The following RBFOX1 variants were observed in gnomAD, a reference collection of about 807,000 sequenced individuals.
RBFOX1 encodes the protein RNA binding protein fox-1 homolog 1.
Under a neutral mutation model 57.7 loss-of-function variants are expected in RBFOX1, and 8 were observed. The observed-to-expected ratio is 0.14, with a 90% CI of 0.08 to 0.25. The LOEUF (loss-of-function observed/expected upper bound fraction) is 0.25. RBFOX1 is among the 10% of genes least tolerant of loss of function. The pLI is 1.00. For missense variants in RBFOX1, 611 were observed against 548.5 expected, an observed-to-expected ratio of 1.11 and a Z score of -1.14; for synonymous variants, 326 against 222.4, an observed-to-expected ratio of 1.47 and a Z score of -4.15.
chr16:6,279,432 A>G (rs945406398), intron 1 of RBFOX1, among the ~76,000 whole-genome samples: 20 of 152,298 alleles, frequency 1.3e-4, no homozygotes, highest in African/African-American at 4.8e-4. Context: ...GACAATCTGT[A>G]AACAGCTTCC....
At chr16:5,296,081 C>T (rs924824091) in intron 1 of RBFOX1, among the ~76,000 whole-genome samples, 2 of 95,448 alleles carry the variant, frequency 2.1e-5, no homozygotes, top group African/African-American at 5.3e-5. Flanking sequence ...GCCCGGGTTC[C>T]CCCTGAGCTT....
At chr16:7,368,473 T>C (rs1054804346) in intron 4 of RBFOX1, among the ~76,000 whole-genome samples, 1 of 151,886 alleles carries the variant, frequency 6.6e-6, no homozygotes, top group African/African-American at 2.4e-5. Context: ...CCCTTAGTCT[T>C]AATTCACTTT....
intron 4 of RBFOX1, among the ~76,000 whole-genome samples, chr16:7,257,342 G>T (rs1024200224): frequency 3.9e-5 from 6 of 152,186 alleles, no homozygotes; most frequent in Admixed American, 3.3e-4. Context: ...GTCACCACCT[G>T]GGGTAAAATT....
chr16:6,857,817 T>C (rs2058183876), intron 3 of RBFOX1, among the ~76,000 whole-genome samples: 1 of 152,236 alleles, frequency 6.6e-6, no homozygotes, highest in South Asian at 2.1e-4. Context: ...GTGCCTGTTT[T>C]GGTAATTAAT....
At chr16:7,330,043 A>G (rs2096664052) in intron 4 of RBFOX1, among the ~76,000 whole-genome samples, 1 of 152,196 alleles carries the variant, frequency 6.6e-6, no homozygotes, top group Non-Finnish European at 1.5e-5. Flanking sequence ...AAGGTACAGT[A>G]AAGTATAACA....
intron 4 of RBFOX1, among the ~76,000 whole-genome samples, chr16:5,960,874 A>G (rs951702199): frequency 1.3e-5 from 2 of 152,200 alleles, no homozygotes; most frequent in African/African-American, 4.8e-5. Context: ...AATGGTGTTG[A>G]TAGGCTGTTG....
intron 3 of RBFOX1, among the ~76,000 whole-genome samples, chr16:7,033,104 G>C (rs2043233019): frequency 6.6e-6 from 1 of 152,154 alleles, no homozygotes; most frequent in Non-Finnish European, 1.5e-5. Flanking sequence ...TGGGCTGAGT[G>C]GGGAGATGAG....
intron 3 of RBFOX1, among the ~76,000 whole-genome samples, chr16:6,892,775 C>CCT (rs750285832): frequency 0.018 from 1,481 of 84,420 alleles, 36 homozygotes; most frequent in Non-Finnish European, 0.02. Context: ...TCCCTGTCTC[C>CCT]CTCTCTCTCT....
chr16:7,670,341 CTT>C (rs1568378925), intron 13 of RBFOX1, among the ~76,000 whole-genome samples: 1 of 152,042 alleles, frequency 6.6e-6, no homozygotes, highest in Non-Finnish European at 1.5e-5. Flanking sequence ...CAACAGGAAA[CTT>C]TTTTTTCCAG....
chr16:5,676,371 C>A (rs1272260224), intron 3 of RBFOX1, among the ~76,000 whole-genome samples: 1 of 152,118 alleles, frequency 6.6e-6, no homozygotes, highest in Non-Finnish European at 1.5e-5. Context: ...TATTGTGTAG[C>A]TGCCCATATA....
intron 4 of RBFOX1, among the ~76,000 whole-genome samples, chr16:7,445,105 G>T (rs1598572429): frequency 1.0e-5 from 1 of 100,286 alleles, no homozygotes; most frequent in South Asian, 4.8e-4. Flanking sequence ...GGGGATGCTT[G>T]GTGCTGATGA....
intron 2 of RBFOX1, among the ~76,000 whole-genome samples, chr16:6,337,400 C>T (rs1439938581): frequency 6.6e-6 from 1 of 152,156 alleles, no homozygotes. Context: ...AAAGTTGTTC[C>T]AGGATAACCC....
At chr16:6,249,937 C>T (rs898513308) in intron 1 of RBFOX1, among the ~76,000 whole-genome samples, 8 of 152,058 alleles carry the variant, frequency 5.3e-5, no homozygotes, top group Non-Finnish European at 1.2e-4. Context: ...CCCCCTACCC[C>T]ACAATAGGCC....
At chr16:7,006,178 G>C (rs915887322) in intron 3 of RBFOX1, among the ~76,000 whole-genome samples, 1 of 151,848 alleles carries the variant, frequency 6.6e-6, no homozygotes, top group Non-Finnish European at 1.5e-5. Flanking sequence ...TTGAGATGGA[G>C]TCTCACTCTG....
chr16:6,081,959 G>T (rs933887550), intron 1 of RBFOX1, among the ~76,000 whole-genome samples: 2 of 152,134 alleles, frequency 1.3e-5, no homozygotes, highest in Non-Finnish European at 2.9e-5. Context: ...AGGAAGGAGG[G>T]ATTATAGTCA....
At chr16:7,306,349 C>T (rs912927008) in intron 4 of RBFOX1, among the ~76,000 whole-genome samples, 9 of 152,012 alleles carry the variant, frequency 5.9e-5, no homozygotes, top group East Asian at 5.8e-4. Context: ...GTCTCTCCCA[C>T]GAGGAAAAAC....
intron 2 of RBFOX1, among the ~76,000 whole-genome samples, chr16:6,465,936 C>T (rs754533479): frequency 6.6e-6 from 1 of 151,470 alleles, no homozygotes; most frequent in Non-Finnish European, 1.5e-5. Context: ...CTTAGTTTAA[C>T]CAAAAAGAAA....
At chr16:7,347,561 C>G (rs560686534) in intron 4 of RBFOX1, among the ~76,000 whole-genome samples, 17 of 152,096 alleles carry the variant, frequency 1.1e-4, no homozygotes, top group Non-Finnish European at 2.5e-4. Context: ...CAAACGATAT[C>G]AAGTGGACAC....
At chr16:7,686,077 T>C (rs189006454) in intron 14 of RBFOX1, among the ~76,000 whole-genome samples, 3 of 152,100 alleles carry the variant, frequency 2.0e-5, no homozygotes, top group East Asian at 1.9e-4. Context: ...TGAGAATCCA[T>C]TGCTGTCATG....
Sources: allele counts gnomAD v4.1 joint callset (sites outside exome capture counted in the v4.1 genomes callset), GRCh38; gene constraint gnomAD v4.1.1; transcripts MANE v1.5; gene names NCBI Gene and HGNC (gene_info 2026-07-23, HGNC 2026-07-21).